The following PDE11A variants were observed in gnomAD, a reference collection of about 807,000 sequenced individuals.
The protein encoded by PDE11A is dual 3',5'-cyclic-AMP and -GMP phosphodiesterase 11A.
PDE11A carries 100 observed loss-of-function variants against 100.5 expected under a neutral mutation model. The ratio of observed to expected loss-of-function variants is 1.00; its 90% confidence interval spans 0.85 to 1.18. The LOEUF (loss-of-function observed/expected upper bound fraction) is 1.18. Among genes scored for constraint, PDE11A ranks in the 50% most tolerant of loss-of-function variants. The pLI is 0.00. For missense variants in PDE11A, 1,141 were observed against 1,152.6 expected (o/e 0.99, Z 0.15); for synonymous variants, 381 against 420.8 (o/e 0.91, Z 1.16).
At chr2:178,014,142 C>T (rs772845737) in intron 2 of PDE11A, among the ~76,000 whole-genome samples, 160 bp downstream of exon 2, 63 of 152,238 alleles carry the variant, frequency 4.1e-4, no homozygotes, top group African/African-American at 1.3e-3. Context: ...TATGAAATAT[C>T]GAAAAACTCC....
At chr2:177,706,546 A>C (rs2081282856) in intron 13 of PDE11A, among the ~76,000 whole-genome samples, 1 of 152,244 alleles carries the variant, frequency 6.6e-6, no homozygotes, top group African/African-American at 2.4e-5. Context: ...ATCAATAAAA[A>C]GGTAGTTCCT....
intron 5 of PDE11A, among the ~76,000 whole-genome samples, chr2:177,846,518 C>T (rs2083604547): frequency 6.6e-6 from 1 of 152,158 alleles, no homozygotes; most frequent in Admixed American, 6.5e-5. Context: ...CAAAAAGTTC[C>T]TACAGCTCAT....
rs531439765 is a variant in PDE11A, at chr2:178,033,865, C to T, written c.913-19405G>A. ...CAAATGCTGAGGGATTTTGTCACCA[C>T]AAAGCCTGCCTTACAAGACCCCTGA... is the stretch of plus-strand genomic sequence containing the variant. On this transcript the variant is annotated intron_variant, in intron 1 of 19. Transcript: ENST00000286063. 2.6e-5 allele frequency among the ~76,000 whole-genome samples: 4 copies of T among 152,262 alleles called. No homozygotes were observed. The South Asian group carries it at 6.2e-4, about 24-fold the overall frequency.
chr2:177,819,862 C>CTCTT (rs1180442219), intron 7 of PDE11A, among the ~76,000 whole-genome samples: 4,675 of 50,818 alleles, frequency 0.092, 327 homozygotes, highest in African/African-American at 0.28. Context: ...TTCTCTCTTT[C>CTCTT]TCTCTTTCTC....
chr2:177,881,353 AT>A (rs1429650091), intron 4 of PDE11A, among the ~76,000 whole-genome samples: 2 of 150,968 alleles, frequency 1.3e-5, no homozygotes, highest in Non-Finnish European at 2.9e-5. Flanking sequence ...CTATCTATCT[AT>A]CTATCTATCT....
At chr2:177,818,284 T>TG (rs1405240578) in intron 7 of PDE11A, among the ~76,000 whole-genome samples, 2 of 128,592 alleles carry the variant, frequency 1.6e-5, no homozygotes, top group African/African-American at 6.4e-5. Flanking sequence ...ATATATATAT[T>TG]TCAACTGAAA....
chr2:177,702,767 GAATAT>G (rs1172220833), intron 13 of PDE11A: 2 of 152,064 alleles, frequency 1.3e-5, no homozygotes, highest in Non-Finnish European at 2.9e-5. Context: ...AGGAATTATT[GAATAT>G]AATATAATAT....
At chr2:177,813,788 G>A (rs1305185234) in intron 9 of PDE11A, among the ~76,000 whole-genome samples, 1 of 151,896 alleles carries the variant, frequency 6.6e-6, no homozygotes, top group Non-Finnish European at 1.5e-5. Flanking sequence ...TTTTGTCACT[G>A]GGTGCTGTGG....
At chr2:177,896,313 T>C (rs1365924680) in intron 4 of PDE11A, among the ~76,000 whole-genome samples, 6 of 152,218 alleles carry the variant, frequency 3.9e-5, no homozygotes, top group Non-Finnish European at 8.8e-5. Context: ...ATTTTTTTGG[T>C]CATTTGCCAA....
At chr2:177,647,523 A>G (rs16865503) in intron 19 of PDE11A, among the ~76,000 whole-genome samples, 3,638 of 152,302 alleles carry the variant, frequency 0.024, 130 homozygotes, top group African/African-American at 0.082. Context: ...GAGAGTCCTA[A>G]CTATACACAC....
At chr2:177,688,825 A>C (rs2080996683) in intron 15 of PDE11A, among the ~76,000 whole-genome samples, 1 of 152,256 alleles carries the variant, frequency 6.6e-6, no homozygotes, top group African/African-American at 2.4e-5. Context: ...CCAGTCACCC[A>C]TCACCACATT....
At chr2:177,665,042 C>T (rs2080547743) in intron 18 of PDE11A, among the ~76,000 whole-genome samples, 2 of 152,220 alleles carry the variant, frequency 1.3e-5, no homozygotes, top group East Asian at 3.9e-4. Context: ...TCACTGATTC[C>T]ACCAGGCTTT....
intron 4 of PDE11A, among the ~76,000 whole-genome samples, chr2:177,877,250 C>T (rs1453795011): frequency 2.1e-5 from 3 of 145,642 alleles, no homozygotes; most frequent in East Asian, 3.9e-4. Context: ...TTGCAGCCTC[C>T]GCCTCCCGGG....
intron 10 of PDE11A, among the ~76,000 whole-genome samples, chr2:177,749,736 A>G (rs1047989538): frequency 6.6e-6 from 1 of 152,124 alleles, no homozygotes; most frequent in African/African-American, 2.4e-5. Flanking sequence ...TATTATTATT[A>G]TTTTCATTAT....
chr2:177,997,973 G>T (rs780033624), intron 2 of PDE11A: 44 of 1,195,686 alleles, frequency 3.7e-5, no homozygotes, highest in Non-Finnish European at 5.5e-5. Flanking sequence ...AGGTTAGGGA[G>T]AACCTGCTCA....
chr2:177,682,728 T>C (rs1406522799), intron 15 of PDE11A, among the ~76,000 whole-genome samples: 2 of 148,842 alleles, frequency 1.3e-5, no homozygotes, highest in Non-Finnish European at 3.0e-5. Flanking sequence ...CATGTGAAGA[T>C]GTTCCTGCCA....
intron 15 of PDE11A, among the ~76,000 whole-genome samples, chr2:177,696,599 G>T (rs551886953): frequency 6.6e-4 from 101 of 152,228 alleles, no homozygotes; most frequent in Middle Eastern, 3.4e-3. Flanking sequence ...CGGTGTAAAT[G>T]GGTGTTAGGA....
chr2:177,861,350 C>A (rs79135164), intron 5 of PDE11A, among the ~76,000 whole-genome samples: 1,717 of 150,774 alleles, frequency 0.011, 26 homozygotes, highest in East Asian at 0.076. Flanking sequence ...AAGAAAAAAA[C>A]AGGAATAAAT....
At chr2:177,832,384 C>T (rs1013697411) in intron 6 of PDE11A, among the ~76,000 whole-genome samples, 8 of 152,186 alleles carry the variant, frequency 5.3e-5, no homozygotes, top group African/African-American at 1.9e-4. Context: ...GTCAGATTGG[C>T]TTAGCCTTTC....
Sources: allele counts gnomAD v4.1 joint callset (sites outside exome capture counted in the v4.1 genomes callset), GRCh38; gene constraint gnomAD v4.1.1; transcripts MANE v1.5; gene names NCBI Gene and HGNC (gene_info 2026-07-23, HGNC 2026-07-21).